The following FIGN variants were observed in gnomAD, a reference collection of about 807,000 sequenced individuals.
The protein encoded by FIGN is fidgetin, microtubule severing factor.
A neutral mutation model predicts 51.3 loss-of-function variants in FIGN; 11 were observed. That is an observed-to-expected ratio of 0.21 (90% CI 0.13 to 0.35). The LOEUF is 0.35. Among genes scored for constraint, FIGN ranks in the 10% least tolerant of loss-of-function variants. The pLI, the probability that FIGN is intolerant of heterozygous loss-of-function variation, is 1.00. For synonymous variants in FIGN, 407 were observed against 363.2 expected, an observed-to-expected ratio of 1.12 and a Z score of -1.37; for missense variants, 857 against 943.6, an observed-to-expected ratio of 0.91 and a Z score of 1.20.
At chr2:163,682,119 T>C (rs1684075332) in intron 2 of FIGN, among the ~76,000 whole-genome samples, 1 of 152,184 alleles carries the variant, frequency 6.6e-6, no homozygotes, top group Admixed American at 6.5e-5. Context: ...TTTCTTTTCC[T>C]GTTGCAATCT....
rs1162234909 is a variant in FIGN, at chr2:163,643,932, CAAAAAAA to C, written c.26-32133_26-32127del. On this transcript the variant is annotated intron_variant, in intron 2 of 2. Transcript: ENST00000333129. ...GGGCAACAAGAGCGAAACTCTGTCT[CAAAAAAA>C]AAAAAAAAAAAAAAAAAAAGTCAGA... 0.038 allele frequency among the ~76,000 whole-genome samples: 731 copies of C among 19,094 alleles called. 75 individuals carry two copies. The East Asian group carries it at 0.41, about 11-fold the overall frequency. The allele number at this position is 19,094 out of a possible 152,430, so 12.5% of individuals were successfully genotyped here. A position where few individuals can be genotyped will look rare whatever the true frequency, so the allele number is the denominator to read the frequency against.
chr2:163,695,225 C>A (rs73017732), intron 2 of FIGN, among the ~76,000 whole-genome samples: 14,571 of 152,144 alleles, frequency 0.096, 1,253 homozygotes, highest in African/African-American at 0.23. Flanking sequence ...ATTTGCTCCT[C>A]AATCATTAAA....
chr2:163,668,185 T>C (rs996581012), intron 2 of FIGN, among the ~76,000 whole-genome samples: 5 of 152,012 alleles, frequency 3.3e-5, no homozygotes, highest in African/African-American at 4.8e-5. Context: ...ACAAAGACTG[T>C]CTCACATTGG....
chr2:163,634,937 A>G (rs1328695633), intron 2 of FIGN, among the ~76,000 whole-genome samples: 1 of 152,196 alleles, frequency 6.6e-6, no homozygotes, highest in Non-Finnish European at 1.5e-5. Flanking sequence ...TACATAGAGT[A>G]TGTGCTCAAT....
rs1350015216 is a variant in FIGN at position 163,610,390 on chromosome 2, G to A, written c.1442C>T (p.Pro481Leu). ...LVTNEIITQGPPVDWNDIAGL... is the reference protein window; with the variant it reads ...LVTNEIITQGLPVDWNDIAGL... The stretch of plus-strand genomic sequence containing the variant: ...AGCAATGTCATTCCAGTCCACTGGA[G>A]GTCCTTGGGTGATAATCTCATTGGT... Residue 481 changes from proline to leucine, a missense_variant, in exon 3 of 3, where the codon CCT becomes CTT. Physicochemically the swap from Pro to Leu is moderately conservative, Grantham distance 98 (BLOSUM62 -3). This residue lies in a region of FIGN where 799 missense variants were observed against 849.5 expected (regional missense o/e 0.94). Coordinates refer to ENST00000333129, the MANE Select transcript of FIGN (RefSeq NM_018086.4). 1.9e-6 allele frequency: 3 copies of A among 1,614,016 alleles called. No homozygotes were observed. The highest frequency in any genetic ancestry group is 1.3e-5 in the African/African-American group (1 of 74,914).
chr2:163,631,893 A>G (rs1212154426), intron 2 of FIGN, among the ~76,000 whole-genome samples: 1 of 152,202 alleles, frequency 6.6e-6, no homozygotes, highest in African/African-American at 2.4e-5. Flanking sequence ...CACACCTGTA[A>G]TCCCAGCACT....
intron 2 of FIGN, among the ~76,000 whole-genome samples, chr2:163,683,814 C>A (rs577851098): frequency 1.3e-5 from 2 of 152,234 alleles, no homozygotes; most frequent in Non-Finnish European, 2.9e-5. Flanking sequence ...GGAGTAATGG[C>A]AGGCCTAGAG....
At chr2:163,667,525 T>A (rs551406162) in intron 2 of FIGN, among the ~76,000 whole-genome samples, 68 of 152,346 alleles carry the variant, frequency 4.5e-4, no homozygotes, top group South Asian at 1.0e-3. Context: ...TAACATCCCA[T>A]GTTTCTGTAA....
intron 2 of FIGN, among the ~76,000 whole-genome samples, chr2:163,715,419 C>T (rs900555822): frequency 8.5e-5 from 13 of 152,102 alleles, no homozygotes; most frequent in Admixed American, 7.9e-4. Context: ...ACGCCTGTCC[C>T]CTGGGGAAGG....
At chr2:163,620,740 C>T (rs1474736754) in intron 2 of FIGN, among the ~76,000 whole-genome samples, 2 of 151,890 alleles carry the variant, frequency 1.3e-5, no homozygotes, top group South Asian at 2.1e-4. Flanking sequence ...ATTTAAGAAA[C>T]ATCTGGCATG....
chr2:163,697,100 C>CTTT lies in FIGN; in HGVS notation c.25+37800_25+37802dup, dbSNP rs1258378034. 4.5e-4 allele frequency among the ~76,000 whole-genome samples: 49 copies of CTTT among 108,402 alleles called. 10 individuals are homozygous for CTTT. Among genetic ancestry groups the CTTT allele is most frequent in the Middle Eastern group, 5.7e-3 (1 of 176 alleles). The allele number at this position is 108,402 out of a possible 152,430, so 71.1% of individuals were successfully genotyped here. On this transcript the variant is annotated intron_variant, in intron 2 of 2. Coordinates refer to ENST00000333129, the MANE Select transcript of FIGN (RefSeq NM_018086.4). ...GTCATAATTTTTTTTCTTTTCTTTT[C>CTTT]TTTCTTTTTTTTTTTTTTTTGAGAC... is the stretch of plus-strand genomic sequence containing the variant.
At chr2:163,683,724 C>G (rs1684101154) in intron 2 of FIGN, among the ~76,000 whole-genome samples, 1 of 152,134 alleles carries the variant, frequency 6.6e-6, no homozygotes. Flanking sequence ...GGGGTGCAGC[C>G]TGGGCAGTGA....
At chr2:163,724,737 G>T (rs1346440349) in intron 2 of FIGN, among the ~76,000 whole-genome samples, 1 of 152,010 alleles carries the variant, frequency 6.6e-6, no homozygotes, top group African/African-American at 2.4e-5. Flanking sequence ...CACTTCATTT[G>T]TGGCCTAAAA....
At chr2:163,681,467 A>G (rs911219087) in intron 2 of FIGN, among the ~76,000 whole-genome samples, 3 of 152,074 alleles carry the variant, frequency 2.0e-5, no homozygotes, top group African/African-American at 4.8e-5. Flanking sequence ...TCCCAGCACT[A>G]TGAGAGGCTG....
At chr2:163,678,498 G>T (rs1420848224) in intron 2 of FIGN, among the ~76,000 whole-genome samples, 1 of 152,102 alleles carries the variant, frequency 6.6e-6, no homozygotes, top group Non-Finnish European at 1.5e-5. Context: ...TGGGATTATA[G>T]GTGTGAGCCA....
chr2:163,676,434 AATATATATATATATATATAT>A (rs202072418), intron 2 of FIGN, among the ~76,000 whole-genome samples: 777 of 65,876 alleles, frequency 0.012, 23 homozygotes, highest in African/African-American at 0.022. Flanking sequence ...GGATTCCTGG[AATATATATATATATATATAT>A]ATATATATAT....
chr2:163,625,472 C>T (rs1353848197), intron 2 of FIGN, among the ~76,000 whole-genome samples: 4 of 151,788 alleles, frequency 2.6e-5, no homozygotes, highest in African/African-American at 4.8e-5. Flanking sequence ...AAGCTCTTAA[C>T]ATTAAAGGAC....
intron 2 of FIGN, among the ~76,000 whole-genome samples, chr2:163,668,458 T>A (rs1040166021): frequency 5.3e-5 from 8 of 152,154 alleles, no homozygotes; most frequent in African/African-American, 1.7e-4. Context: ...AATATTCAAT[T>A]TGCCACATGC....
At chr2:163,658,817 A>C (rs898355478) in intron 2 of FIGN, among the ~76,000 whole-genome samples, 2 of 152,238 alleles carry the variant, frequency 1.3e-5, no homozygotes, top group Non-Finnish European at 2.9e-5. Context: ...AGGGCCAAAC[A>C]AACCATATCC....
Sources: allele counts gnomAD v4.1 joint callset (sites outside exome capture counted in the v4.1 genomes callset), GRCh38; gene constraint gnomAD v4.1.1; regional missense constraint gnomAD v4.1.1; transcripts MANE v1.5; gene names NCBI Gene and HGNC (gene_info 2026-07-23, HGNC 2026-07-21).